PIK3C2G: variants seen among roughly 807,000 people sequenced by gnomAD.
PIK3C2G encodes the protein phosphatidylinositol 3-kinase C2 domain-containing subunit gamma.
A neutral mutation model predicts 181.1 loss-of-function variants in PIK3C2G; 168 were observed. The ratio of observed to expected loss-of-function variants is 0.93; its 90% CI spans 0.82 to 1.05. The LOEUF is 1.05. Ranked by LOEUF, PIK3C2G falls within the 50% of genes least tolerant of loss-of-function variation. PIK3C2G has a pLI of 0.00. For synonymous variants in PIK3C2G, 573 were observed against 592.2 expected (o/e 0.97, Z 0.47); for missense variants, 1,869 against 1,732.8 (o/e 1.08, Z -1.40).
At chr12:18,455,089 G>A (rs530180514) in intron 18 of PIK3C2G, among the ~76,000 whole-genome samples, 1 of 152,258 alleles carries the variant, frequency 6.6e-6, no homozygotes, top group South Asian at 2.1e-4. Context: ...TCCTTGCCAG[G>A]AGGCCCACTT....
intron 11 of PIK3C2G, among the ~76,000 whole-genome samples, chr12:18,360,263 C>T (rs1941117834): frequency 6.6e-6 from 1 of 152,074 alleles, no homozygotes; most frequent in Non-Finnish European, 1.5e-5. Context: ...CATACGAAAA[C>T]TCTGTACTTC....
intron 22 of PIK3C2G, among the ~76,000 whole-genome samples, chr12:18,500,673 G>A (rs1330741694): frequency 6.6e-6 from 1 of 152,144 alleles, no homozygotes; most frequent in South Asian, 2.1e-4. Flanking sequence ...AATCAGCGCC[G>A]TGTCAAAACA....
chr12:18,469,274 AC>A (rs1311724172), intron 18 of PIK3C2G, among the ~76,000 whole-genome samples: 1 of 152,104 alleles, frequency 6.6e-6, no homozygotes, highest in Non-Finnish European at 1.5e-5. Context: ...GGAGGCTTTT[AC>A]CTACAAAGCA....
intron 30 of PIK3C2G, among the ~76,000 whole-genome samples, chr12:18,599,735 G>C (rs183342986): frequency 1.6e-3 from 249 of 151,404 alleles, no homozygotes; most frequent in Admixed American, 4.7e-3. Flanking sequence ...AAGTGATTGT[G>C]AAAGGTTGAA....
chr12:18,565,909 A>G (rs1308110353), intron 28 of PIK3C2G, among the ~76,000 whole-genome samples: 1 of 152,186 alleles, frequency 6.6e-6, no homozygotes, highest in African/African-American at 2.4e-5. Context: ...CAAAAAAACT[A>G]TGCATATATG....
the PIK3C2G span, chr12:18,701,707 CT>C: frequency 6.2e-7 from 1 of 1,611,774 alleles, no homozygotes; most frequent in Non-Finnish European, 8.5e-7. Flanking sequence ...TTATCAGAAC[CT>C]TTTCTTTCAT....
At chr12:18,404,172 C>A (rs1944397449) in intron 16 of PIK3C2G, among the ~76,000 whole-genome samples, 1 of 151,904 alleles carries the variant, frequency 6.6e-6, no homozygotes, top group Admixed American at 6.6e-5. Context: ...CCATTGTATT[C>A]TTTATTGTAC....
At chr12:18,651,482 A>G (rs1049664379), downstream of PIK3C2G, among the ~76,000 whole-genome samples, 1 of 152,174 alleles carries the variant, frequency 6.6e-6, no homozygotes, top group East Asian at 1.9e-4. Flanking sequence ...TCACTAGGCA[A>G]TTAGCCATAA....
the PIK3C2G span, among the ~76,000 whole-genome samples, chr12:18,710,263 T>A: frequency 1.3e-5 from 2 of 150,748 alleles, no homozygotes; most frequent in Non-Finnish European, 2.9e-5. Flanking sequence ...CTGTCACTAT[T>A]TTTTTTAATT....
At chr12:18,571,522 G>T (rs1945942294) in intron 29 of PIK3C2G, among the ~76,000 whole-genome samples, 1 of 150,576 alleles carries the variant, frequency 6.6e-6, no homozygotes, top group Non-Finnish European at 1.5e-5. Flanking sequence ...TATATTTTGT[G>T]ACTGTTATTA....
chr12:18,683,310 GA>G, the PIK3C2G span: 1 of 1,612,424 alleles, frequency 6.2e-7, no homozygotes, highest in Non-Finnish European at 8.5e-7. Flanking sequence ...GAAAACAGAG[GA>G]ATACGACGAT....
intron 3 of PIK3C2G, among the ~76,000 whole-genome samples, chr12:18,287,643 GC>G (rs748838186): frequency 2.0e-5 from 3 of 151,666 alleles, no homozygotes; most frequent in Non-Finnish European, 4.4e-5. Flanking sequence ...ATCACTGGAG[GC>G]CAGGAGTTTG....
chr12:18,571,381 C>T (rs941166532), intron 29 of PIK3C2G, among the ~76,000 whole-genome samples: 6 of 150,588 alleles, frequency 4.0e-5, no homozygotes, highest in African/African-American at 7.5e-5. Flanking sequence ...GTGTTCTACA[C>T]GTGTATATTA....
At chr12:18,533,543 C>T (rs189826529) in intron 24 of PIK3C2G, among the ~76,000 whole-genome samples, 108 of 152,232 alleles carry the variant, frequency 7.1e-4, no homozygotes, top group African/African-American at 2.5e-3. Flanking sequence ...CTGATCTGCT[C>T]ATATATACCC....
At chr12:18,545,266 T>C (rs116532872) in intron 25 of PIK3C2G, among the ~76,000 whole-genome samples, 2,967 of 151,962 alleles carry the variant, frequency 0.02, 110 homozygotes, top group African/African-American at 0.068. Flanking sequence ...CTATACATGC[T>C]GCTTCCTGAG....
chr12:18,448,391 G>A (rs1947149646), intron 18 of PIK3C2G, among the ~76,000 whole-genome samples: 1 of 151,988 alleles, frequency 6.6e-6, no homozygotes, highest in South Asian at 2.1e-4. Flanking sequence ...CATAGTTATG[G>A]TCCATTTTGG....
At chr12:18,253,135 T>A (rs540010039) in intron 1 of PIK3C2G, among the ~76,000 whole-genome samples, 1 of 152,260 alleles carries the variant, frequency 6.6e-6, no homozygotes, top group African/African-American at 2.4e-5. Context: ...ATTCAAAGAA[T>A]AGATTTTTTA....
At chr12:18,695,010 C>T in the PIK3C2G span, 12 of 1,612,080 alleles carry the variant, frequency 7.4e-6, no homozygotes, top group South Asian at 7.7e-5. Flanking sequence ...ATATCCAGAA[C>T]CACCATTATC....
chr12:18,673,292 T>G, the PIK3C2G span, among the ~76,000 whole-genome samples: 3 of 152,134 alleles, frequency 2.0e-5, no homozygotes, highest in African/African-American at 4.8e-5. Context: ...TAATTTCAAA[T>G]TTCACATTTG....
Sources: gnomAD v4.1 joint callset for allele counts (sites outside exome capture counted in the v4.1 genomes callset) on GRCh38, gnomAD v4.1.1 for gene constraint, MANE v1.5 for transcripts, NCBI Gene and HGNC (gene_info 2026-07-23, HGNC 2026-07-21) for gene names.